TATDN1: variants seen among roughly 807,000 people sequenced by gnomAD.
TATDN1 encodes deoxyribonuclease TATDN1.
A neutral mutation model predicts 46.4 loss-of-function variants in TATDN1; 40 were observed. The ratio of observed to expected loss-of-function variants is 0.86; its 90% CI spans 0.67 to 1.12. The LOEUF (loss-of-function observed/expected upper bound fraction) is 1.12, where lower values mean the gene tolerates loss of function less well. Among genes scored for constraint, TATDN1 ranks in the 50% most tolerant of loss-of-function variants. The pLI is 0.00. For missense variants in TATDN1, 326 were observed against 348.4 expected, an observed-to-expected ratio of 0.94 and a Z score of 0.51; for synonymous variants, 95 against 105.6, an observed-to-expected ratio of 0.90 and a Z score of 0.62.
intron 1 of TATDN1, among the ~76,000 whole-genome samples, chr8:124,532,071 G>A (rs1477132246): frequency 1.3e-5 from 2 of 152,196 alleles, no homozygotes; most frequent in Non-Finnish European, 2.9e-5. Flanking sequence ...CAAGGAAGAA[G>A]GAAGAGCAAG....
At chr8:124,516,107 A>T in intron 4 of TATDN1, 77 bp from the exon 5 acceptor site, 2 of 1,266,462 alleles carry the variant, frequency 1.6e-6, no homozygotes, top group Non-Finnish European at 2.1e-6. Flanking sequence ...TTTAGAGGAT[A>T]TCAAGTAATT....
chr8:124,522,831 A>G lies in TATDN1; in HGVS notation c.88+106T>C, dbSNP rs892818782. On this transcript the variant is annotated intron_variant, in intron 2 of 11. Coordinates refer to ENST00000276692, the MANE Select transcript of TATDN1 (RefSeq NM_032026.4). ...CAGACTCCCAAAGTGCTGAGATTAC[A>G]GGTGTGAGCCACAAGACTCAGCTTG... 8.4e-6 allele frequency: 8 copies of G among 947,890 alleles called. No homozygotes were observed. The African/African-American group carries it at 9.7e-5, about 12-fold the overall frequency. 58.7% of individuals were successfully genotyped at this position (947,890 alleles called of 1,614,324 possible).
Position 124,488,596 on chromosome 8 carries a change from A to T in TATDN1, c.892T>A (p.Ter298LysextTer12), listed in dbSNP as rs777685831. 14 of 1,471,796 alleles carry T rather than the reference A, an allele frequency of 9.5e-6. No individual in the cohort carries two copies. The highest frequency in any genetic ancestry group is 2.0e-4 in the Middle Eastern group (1 of 4,988). The allele number at this position is 1,471,796 out of a possible 1,614,324, so 91.2% of individuals were successfully genotyped here. Reference sequence around the variant, plus strand: ...GGAAAGTGGAAGACATATACCAATTATATTCCAGGAAAAAATACTTTAATA... The same window carrying T: ...GGAAAGTGGAAGACATATACCAATTTTATTCCAGGAAAAAATACTTTAATA... ...NTIKVFFPGI[*>K] The change falls in exon 12 of 12, where the codon TAA becomes AAA. Residue 298 changes from the stop codon to lysine, a stop_lost. Coordinates refer to ENST00000276692, the MANE Select transcript of TATDN1 (RefSeq NM_032026.4).
At position 124,515,970 on chromosome 8, in the gene TATDN1, T is replaced by A. The variant is rs1819435514; in HGVS notation, c.263A>T (p.Asn88Ile). Residue 88 changes from asparagine (N) to isoleucine (I), a missense_variant, in exon 5 of 12, where the codon AAC (asparagine) becomes ATC (isoleucine). Coordinates refer to ENST00000276692, the MANE Select transcript of TATDN1 (RefSeq NM_032026.4). ...PTRCGEFEKN[N>I]PDLYLKELLN... ...CAACTCCTTTAAGTAAAGATCAGGG[T>A]TATTCTTTTCAAATTCACCACATCT... 6.2e-7 allele frequency: 1 copy of A among 1,613,918 alleles called. No individual in the cohort carries two copies. The highest frequency in any genetic ancestry group is 2.2e-5 in the East Asian group (1 of 44,852).
At chr8:124,538,627 C>G (rs7009290) in intron 1 of TATDN1, among the ~76,000 whole-genome samples, 77,654 of 151,984 alleles carry the variant, frequency 0.51, 20,268 homozygotes, top group African/African-American at 0.61. Flanking sequence ...CGAATGAATG[C>G]TTGAGTGAAT....
At chr8:124,533,720 A>T (rs1821174858) in intron 1 of TATDN1, among the ~76,000 whole-genome samples, 1 of 151,920 alleles carries the variant, frequency 6.6e-6, no homozygotes, top group Non-Finnish European at 1.5e-5. Context: ...TGGGAATCTT[A>T]GTTTTTCATG....
At chr8:124,516,699 A>G (rs1392270926) in intron 4 of TATDN1, among the ~76,000 whole-genome samples, 1 of 150,012 alleles carries the variant, frequency 6.7e-6, no homozygotes, top group East Asian at 1.9e-4. Context: ...TTATTGATTC[A>G]TGTATTTAAT....
At chr8:124,506,979 T>C (rs1182937211) in intron 8 of TATDN1, among the ~76,000 whole-genome samples, 1 of 151,860 alleles carries the variant, frequency 6.6e-6, no homozygotes, top group East Asian at 1.9e-4. Context: ...CTGGCCAACA[T>C]GGTGAAACCC....
At position 124,497,506 on chromosome 8, in the gene TATDN1, C is replaced by T. The variant is rs1410077887; in HGVS notation, c.594-1964G>A. Among the ~76,000 whole-genome samples the T allele has an allele frequency of 2.6e-5, 4 of 152,130 alleles. No homozygotes were observed. In the East Asian group the frequency reaches 5.8e-4, roughly 22 times the overall value. On this transcript the variant is annotated intron_variant, in intron 9 of 11. Coordinates refer to ENST00000276692, the MANE Select transcript of TATDN1 (RefSeq NM_032026.4). ...TTCACCATGTTGGCCAGGCTGGTCTCGAACTTCTTACCTCAGGCGATCCAC... is the reference window on the plus strand; with the variant it reads ...TTCACCATGTTGGCCAGGCTGGTCTTGAACTTCTTACCTCAGGCGATCCAC...
intron 6 of TATDN1, among the ~76,000 whole-genome samples, chr8:124,514,972 T>TA (rs1819333811): frequency 6.6e-6 from 1 of 152,230 alleles, no homozygotes; most frequent in African/African-American, 2.4e-5. Flanking sequence ...TGGTTTTTTT[T>TA]AGAGACGGAG....
intron 8 of TATDN1, among the ~76,000 whole-genome samples, chr8:124,506,146 C>T (rs1022153928): frequency 6.6e-6 from 1 of 151,556 alleles, no homozygotes; most frequent in Non-Finnish European, 1.5e-5. Context: ...ACCCACCTGG[C>T]CAACATGATG....
At chr8:124,537,490 A>G (rs540077531) in intron 1 of TATDN1, among the ~76,000 whole-genome samples, 2 of 152,336 alleles carry the variant, frequency 1.3e-5, no homozygotes, top group East Asian at 3.9e-4. Flanking sequence ...GTGTGTAAGC[A>G]TTTAGGCTAT....
chr8:124,527,978 G>A (rs1014833939), intron 1 of TATDN1, among the ~76,000 whole-genome samples: 1 of 152,108 alleles, frequency 6.6e-6, no homozygotes, highest in African/African-American at 2.4e-5. Flanking sequence ...TTTAACAGGG[G>A]ACTTCTTGCA....
intron 11 of TATDN1, 127 bp from the exon 12 acceptor site, chr8:124,488,823 T>C (rs745373198): frequency 7.7e-6 from 5 of 647,586 alleles, no homozygotes; most frequent in East Asian, 3.0e-5. Context: ...TTAACAGTTA[T>C]TAAGTTTTTC....
chr8:124,497,085 A>G (rs956216006), intron 9 of TATDN1, among the ~76,000 whole-genome samples: 7 of 152,308 alleles, frequency 4.6e-5, no homozygotes, highest in Admixed American at 2.6e-4. Flanking sequence ...GACACAAATG[A>G]GAGGCCCACA....
chr8:124,501,412 T>A (rs538197031), intron 9 of TATDN1, among the ~76,000 whole-genome samples: 1 of 147,150 alleles, frequency 6.8e-6, no homozygotes, highest in South Asian at 2.1e-4. Flanking sequence ...TCCAAATGGC[T>A]TTTTTTTTTC....
At chr8:124,537,332 A>T (rs555042867) in intron 1 of TATDN1, among the ~76,000 whole-genome samples, 1 of 152,312 alleles carries the variant, frequency 6.6e-6, no homozygotes, top group African/African-American at 2.4e-5. Flanking sequence ...GCAACAGGGT[A>T]GTTGGTAGGC....
intron 6 of TATDN1, among the ~76,000 whole-genome samples, chr8:124,510,014 G>A (rs1164693134): frequency 1.4e-5 from 2 of 139,460 alleles, no homozygotes; most frequent in Admixed American, 1.6e-4. Context: ...CTGGGTGAGA[G>A]AGCAACATTC....
At chr8:124,524,142 C>T (rs955957579) in intron 1 of TATDN1, among the ~76,000 whole-genome samples, 1 of 152,106 alleles carries the variant, frequency 6.6e-6, no homozygotes, top group Admixed American at 6.5e-5. Context: ...AAGTTGGTCC[C>T]CAGGAGTGTC....
Sources: allele counts gnomAD v4.1 joint callset (sites outside exome capture counted in the v4.1 genomes callset), GRCh38; gene constraint gnomAD v4.1.1; transcripts MANE v1.5; gene names NCBI Gene and HGNC (gene_info 2026-07-23, HGNC 2026-07-21).